KLRG2: variants seen among roughly 807,000 people sequenced by gnomAD.
KLRG2 encodes killer cell lectin like receptor G2, also known as killer cell lectin-like receptor subfamily G member 2.
In KLRG2, 39 loss-of-function variants were observed where a neutral mutation model predicts 35.4. That is an observed-to-expected ratio of 1.10 (90% CI 0.85 to 1.44). KLRG2 has a LOEUF of 1.44. Among genes scored for constraint, KLRG2 ranks in the 40% most tolerant of loss-of-function variants. The pLI is 0.00. For missense variants in KLRG2, 632 were observed against 570.9 expected, an observed-to-expected ratio of 1.11 and a Z score of -1.09; for synonymous variants, 283 against 265.8, an observed-to-expected ratio of 1.06 and a Z score of -0.63.
chr7:139,473,126 C>A (rs150594834), intron 3 of KLRG2, among the ~76,000 whole-genome samples: 1 of 152,050 alleles, frequency 6.6e-6, no homozygotes, highest in African/African-American at 2.4e-5. Flanking sequence ...TACAAACATA[C>A]AAAAATTAGC....
chr7:139,430,932 C>T, the KLRG2 span, among the ~76,000 whole-genome samples: 4 of 148,076 alleles, frequency 2.7e-5, no homozygotes, highest in African/African-American at 5.1e-5. Flanking sequence ...TCACTTGAAC[C>T]GGGGAGGGGG....
intron 3 of KLRG2, among the ~76,000 whole-genome samples, chr7:139,456,318 G>T (rs946422993): frequency 2.6e-5 from 4 of 151,986 alleles, no homozygotes; most frequent in Non-Finnish European, 5.9e-5. Flanking sequence ...CCTCCCCTTG[G>T]TTTCCACAAC....
chr7:139,469,386 C>A (rs964365001), intron 3 of KLRG2, among the ~76,000 whole-genome samples: 3 of 152,152 alleles, frequency 2.0e-5, no homozygotes, highest in Admixed American at 6.6e-5. Context: ...TCTTGAACTC[C>A]TGACCTCAAG....
At chr7:139,450,106 A>G (rs1285372444), downstream of KLRG2, among the ~76,000 whole-genome samples, 1 of 146,018 alleles carries the variant, frequency 6.8e-6, no homozygotes, top group African/African-American at 2.5e-5. Context: ...GCAGTGTTGT[A>G]ATCTTGCCTC....
At chr7:139,444,035 T>C in the KLRG2 span, among the ~76,000 whole-genome samples, 1 of 152,164 alleles carries the variant, frequency 6.6e-6, no homozygotes, top group Non-Finnish European at 1.5e-5. Flanking sequence ...GCTGAAGAAC[T>C]TGGAGTCTGA....
chr7:139,476,981 C>A (rs1033088290), intron 3 of KLRG2, among the ~76,000 whole-genome samples: 1 of 152,118 alleles, frequency 6.6e-6, no homozygotes, highest in African/African-American at 2.4e-5. Context: ...TTATTGAATC[C>A]CCCTTGCCAA....
At chr7:139,455,431 C>T (rs1435289411) in intron 3 of KLRG2, among the ~76,000 whole-genome samples, 1 of 151,290 alleles carries the variant, frequency 6.6e-6, no homozygotes, top group Non-Finnish European at 1.5e-5. Flanking sequence ...ACGCCATTCT[C>T]CTGCCTCAGC....
the KLRG2 span, among the ~76,000 whole-genome samples, chr7:139,446,315 C>T: frequency 6.7e-6 from 1 of 148,576 alleles, no homozygotes. Context: ...AGGGGAGAAT[C>T]CATTCTTTGC....
chr7:139,445,081 A>T, the KLRG2 span, among the ~76,000 whole-genome samples: 2 of 142,656 alleles, frequency 1.4e-5, no homozygotes, highest in Non-Finnish European at 3.1e-5. Context: ...CACTATTTCT[A>T]TTTTTTTTTT....
At chr7:139,478,424 C>A (rs895028428) in intron 3 of KLRG2, among the ~76,000 whole-genome samples, 7 of 149,926 alleles carry the variant, frequency 4.7e-5, no homozygotes, top group African/African-American at 1.5e-4. Context: ...AATCCCAGCA[C>A]TTTGGGAGGC....
chr7:139,460,991 G>A (rs1171886383), intron 3 of KLRG2, among the ~76,000 whole-genome samples: 1 of 151,938 alleles, frequency 6.6e-6, no homozygotes, highest in Non-Finnish European at 1.5e-5. Flanking sequence ...GTTGGGCGAG[G>A]GGGCTCACGC....
At chr7:139,452,528 T>C (rs1472853157), downstream of KLRG2, among the ~76,000 whole-genome samples, 1 of 152,014 alleles carries the variant, frequency 6.6e-6, no homozygotes, top group Non-Finnish European at 1.5e-5. Flanking sequence ...GGCCCATTAC[T>C]GGTTCAAACG....
At chr7:139,438,245 T>C in the KLRG2 span, among the ~76,000 whole-genome samples, 1 of 152,164 alleles carries the variant, frequency 6.6e-6, no homozygotes, top group Non-Finnish European at 1.5e-5. Context: ...TTATTTATTT[T>C]TGAGATGGAG....
At chr7:139,448,294 C>T (rs1796332738), downstream of KLRG2, among the ~76,000 whole-genome samples, 1 of 152,144 alleles carries the variant, frequency 6.6e-6, no homozygotes, top group Admixed American at 6.5e-5. Flanking sequence ...CCACACCTGG[C>T]CAACATTTCT....
At chr7:139,478,970 AATT>A (rs1413956613) in intron 3 of KLRG2, among the ~76,000 whole-genome samples, 1 of 152,192 alleles carries the variant, frequency 6.6e-6, no homozygotes, top group Non-Finnish European at 1.5e-5. Context: ...CATGGCCTGT[AATT>A]CCAGCACTTT....
intron 3 of KLRG2, among the ~76,000 whole-genome samples, chr7:139,456,129 G>A (rs548720166): frequency 4.6e-5 from 7 of 152,132 alleles, no homozygotes; most frequent in South Asian, 2.1e-4. Context: ...AATGAATTTC[G>A]CATATGCTCA....
chr7:139,455,434 G>A (rs1468922159), intron 3 of KLRG2, among the ~76,000 whole-genome samples: 4 of 150,902 alleles, frequency 2.7e-5, no homozygotes, highest in African/African-American at 9.7e-5. Flanking sequence ...CCATTCTCCT[G>A]CCTCAGCCTC....
chr7:139,482,112 A>G (rs554218773), intron 1 of KLRG2, among the ~76,000 whole-genome samples: 1 of 152,128 alleles, frequency 6.6e-6, no homozygotes, highest in Non-Finnish European at 1.5e-5. Flanking sequence ...CTACTGGCAC[A>G]TCTACCCTGT....
chr7:139,470,973 G>A (rs977136911), intron 3 of KLRG2, among the ~76,000 whole-genome samples: 1 of 151,652 alleles, frequency 6.6e-6, no homozygotes, highest in Admixed American at 6.6e-5. Flanking sequence ...CTCCTGAGTA[G>A]CTGGGATTAC....
Sources: allele counts gnomAD v4.1 joint callset (sites outside exome capture counted in the v4.1 genomes callset), GRCh38; gene constraint gnomAD v4.1.1; transcripts MANE v1.5; gene names NCBI Gene and HGNC (gene_info 2026-07-23, HGNC 2026-07-21).